RAB43: variants seen among roughly 807,000 people sequenced by gnomAD.
RAB43 encodes the protein RAB43, member RAS oncogene family, also known as ras-related protein Rab-43.
Under a neutral mutation model 18.8 loss-of-function variants are expected in RAB43, and 6 were observed. The ratio of observed to expected loss-of-function variants is 0.32; its 90% confidence interval spans 0.17 to 0.63. The LOEUF (loss-of-function observed/expected upper bound fraction) is 0.63, where lower values mean the gene tolerates loss of function less well. Ranked by LOEUF, RAB43 falls within the 30% of genes least tolerant of loss-of-function variation. RAB43 has a pLI of 0.79. For synonymous variants in RAB43, 103 were observed against 124.1 expected (o/e 0.83, Z 1.13); for missense variants, 195 against 289.1 (o/e 0.67, Z 2.36).
intron 2 of RAB43, chr3:129,092,587 T>C: frequency 1.5e-6 from 1 of 674,210 alleles, no homozygotes. Context: ...ATAGCAGGAC[T>C]GCATCTCTAA....
At chr3:129,109,412 A>C (rs1030503046) in intron 1 of RAB43, among the ~76,000 whole-genome samples, 4 of 150,842 alleles carry the variant, frequency 2.7e-5, no homozygotes, top group African/African-American at 7.3e-5. Flanking sequence ...TCCGTCTCAA[A>C]AAAAAAAAAA....
intron 2 of RAB43, chr3:129,092,400 A>C: frequency 1.6e-6 from 1 of 613,826 alleles, no homozygotes; most frequent in Non-Finnish European, 2.9e-6. Flanking sequence ...CATGGTACAG[A>C]TGAGAGGAGG....
At chr3:129,109,207 G>A (rs1212119483) in intron 1 of RAB43, among the ~76,000 whole-genome samples, 4 of 151,886 alleles carry the variant, frequency 2.6e-5, no homozygotes, top group African/African-American at 7.3e-5. Context: ...TCAGGAGATC[G>A]AGACCATCCT....
intron 1 of RAB43, among the ~76,000 whole-genome samples, chr3:129,104,723 C>G (rs978620243): frequency 8.5e-5 from 13 of 152,228 alleles, no homozygotes; most frequent in African/African-American, 2.7e-4. Flanking sequence ...GATAAGGCTT[C>G]TTTCCTCTTC....
intron 1 of RAB43, among the ~76,000 whole-genome samples, chr3:129,103,362 G>A (rs1559998937): frequency 6.6e-6 from 1 of 152,194 alleles, no homozygotes; most frequent in South Asian, 2.1e-4. Context: ...ACAGAACAAT[G>A]CAGCTTCTGA....
chr3:129,121,497 A>G lies in RAB43; in HGVS notation c.-8T>C, dbSNP rs1037542373. On this transcript the variant is annotated 5_prime_UTR_variant, in exon 1 of 3. Transcript: ENST00000315150. The stretch of plus-strand genomic sequence containing the variant: ...TGGGCCCGGCCCTGCCATGGCCTAG[A>G]AGAAGCCGAAGGGCCGGCGCTCTGG... 5 of 1,601,114 alleles carry G rather than the reference A, an allele frequency of 3.1e-6. No homozygotes were observed. The highest frequency in any genetic ancestry group is 2.3e-5 in the East Asian group (1 of 44,396).
intron 1 of RAB43, among the ~76,000 whole-genome samples, chr3:129,097,829 A>G (rs1048620918): frequency 8.5e-5 from 13 of 152,276 alleles, no homozygotes; most frequent in African/African-American, 2.9e-4. Context: ...TGTAGATAAC[A>G]AGCGGCCTGA....
rs1270863445 is a variant in RAB43, at chr3:129,107,512, G to A, written c.205-12343C>T. On this transcript the variant is annotated intron_variant, in intron 1 of 2. Transcript: ENST00000315150. The surrounding 1 kb of genome is among the most constrained non-coding windows in gnomAD (Gnocchi z 4.2). ...CTTGCAGGCTCCTTTCAGCACCAGG[G>A]AAACATTTGGGGTAATGAGGAAACC... is the stretch of plus-strand genomic sequence containing the variant. Among the ~76,000 whole-genome samples the A allele has an allele frequency of 1.3e-5, 2 of 152,112 alleles. No individual in the cohort carries two copies. Among genetic ancestry groups the A allele is most frequent in the East Asian group, 3.9e-4 (2 of 5,180 alleles).
At position 129,107,412 on chromosome 3, in the gene RAB43, T is replaced by C. The variant is rs1306788537; in HGVS notation, c.205-12243A>G. On this transcript the variant is annotated intron_variant, in intron 1 of 2. Transcript: ENST00000315150. This position sits in a 1 kb window ranked among gnomAD's most constrained non-coding sequence, Gnocchi z 4.2. ...CATCTGCTTGCCAAGTGCCACCTCTTCCGGGTATTCCTCTTCCTCGCAGGA... is the reference window on the plus strand; with the variant it reads ...CATCTGCTTGCCAAGTGCCACCTCTCCCGGGTATTCCTCTTCCTCGCAGGA... 1.3e-5 allele frequency among the ~76,000 whole-genome samples: 2 copies of C among 152,080 alleles called. No individual in the cohort carries two copies. The highest frequency in any genetic ancestry group is 1.5e-5 in the Non-Finnish European group (1 of 67,988).
Position 129,121,723 on chromosome 3 carries a change from G to T in RAB43, c.-234C>A. 1 of 271,964 alleles carries T rather than the reference G, an allele frequency of 3.7e-6. No homozygotes were observed. The highest frequency in any genetic ancestry group is 6.5e-6 in the Non-Finnish European group (1 of 154,134). The allele number at this position is 271,964 out of a possible 1,614,324, so 16.8% of individuals were successfully genotyped here. A position where few individuals can be genotyped will look rare whatever the true frequency, so the allele number is the denominator to read the frequency against. ...GCCCCGCCCGGACCCGGTGCCCCGCGGGTTCGGCTCCCCCCCGGACCCGCC... is the reference window on the plus strand; with the variant it reads ...GCCCCGCCCGGACCCGGTGCCCCGCTGGTTCGGCTCCCCCCCGGACCCGCC... On this transcript the variant is annotated 5_prime_UTR_variant, in exon 1 of 3. Coordinates refer to ENST00000315150, the MANE Select transcript of RAB43 (RefSeq NM_198490.3).
At chr3:129,091,463 C>T in intron 2 of RAB43, 117 bp from the exon 3 acceptor site, 1 of 1,301,670 alleles carries the variant, frequency 7.7e-7, no homozygotes, top group South Asian at 1.5e-5. Context: ...AAATGGACAC[C>T]CCTGGCATGG....
chr3:129,088,054 CG>C lies in RAB43; in HGVS notation c.*3041del, dbSNP rs1933454309. The C allele has an allele frequency of 6.6e-6, 1 of 152,172 alleles. No homozygotes were observed. Among genetic ancestry groups the C allele is most frequent in the Non-Finnish European group, 1.5e-5 (1 of 68,008 alleles). 9.4% of individuals were successfully genotyped at this position (152,172 alleles called of 1,614,324 possible). A position where few individuals can be genotyped will look rare whatever the true frequency, so the allele number is the denominator to read the frequency against. On this transcript the variant is annotated 3_prime_UTR_variant, in exon 3 of 3. Transcript: ENST00000315150. The stretch of plus-strand genomic sequence containing the variant: ...ACTGTTCTCCTTCCGCCCCAGAGCC[CG>C]GGCTGCCGGGAGAGCTTAGCCTGCC...
rs117952498 is a variant in RAB43 at position 129,116,510 on chromosome 3, T to A, written c.204+4776A>T. Among the ~76,000 whole-genome samples, 4 of 152,340 alleles carry A rather than the reference T, an allele frequency of 2.6e-5. No homozygotes were observed. In the East Asian group the frequency reaches 5.8e-4, roughly 22 times the overall value. On this transcript the variant is annotated intron_variant, in intron 1 of 2. Coordinates refer to ENST00000315150, the MANE Select transcript of RAB43 (RefSeq NM_198490.3). ...GAACAGATGAGCAGAACTAGACTCT[T>A]GATTGGAAGGACTGTGAATGCAAAC... is the stretch of plus-strand genomic sequence containing the variant.
In RAB43 at chr3:129,109,871, C is replaced by CT. The variant is rs202101532; in HGVS notation, c.204+11414dup. On this transcript the variant is annotated intron_variant, in intron 1 of 2. Transcript: ENST00000315150. Reference sequence around the variant, plus strand: ...AAAGTGTGCTTGGTTTTGTCTTTTCCTTTTTTTTTGTGAGACAGGCTCTCA... The same window carrying CT: ...AAAGTGTGCTTGGTTTTGTCTTTTCCTTTTTTTTTTGTGAGACAGGCTCTCA... 7.2e-3 allele frequency among the ~76,000 whole-genome samples: 1,083 copies of CT among 149,716 alleles called. 8 individuals carry two copies. Among genetic ancestry groups the CT allele is most frequent in the African/African-American group, 0.02 (813 of 40,764 alleles).
At chr3:129,101,407 A>G (rs1934405746) in intron 1 of RAB43, among the ~76,000 whole-genome samples, 1 of 152,206 alleles carries the variant, frequency 6.6e-6, no homozygotes, top group African/African-American at 2.4e-5. Flanking sequence ...GGGATATAGC[A>G]GGGAACGGAG....
intron 1 of RAB43, among the ~76,000 whole-genome samples, chr3:129,100,479 A>T (rs1934347892): frequency 6.6e-6 from 1 of 152,200 alleles, no homozygotes; most frequent in Non-Finnish European, 1.5e-5. Flanking sequence ...ATATCCTAAG[A>T]CCTTCTGCTA....
chr3:129,103,811 C>T (rs1352841992), intron 1 of RAB43, among the ~76,000 whole-genome samples: 2 of 152,134 alleles, frequency 1.3e-5, no homozygotes, highest in Admixed American at 6.5e-5. Flanking sequence ...GTGATCTGCC[C>T]GCTTTGGCCT....
At chr3:129,099,681 C>T (rs1559997251) in intron 1 of RAB43, among the ~76,000 whole-genome samples, 2 of 152,094 alleles carry the variant, frequency 1.3e-5, no homozygotes, top group Non-Finnish European at 2.9e-5. Flanking sequence ...CCACTGCGCC[C>T]AGCCTAAACT....
In RAB43 at chr3:129,107,354, A is replaced by G. The variant is rs1934850574; in HGVS notation, c.205-12185T>C. ...ATGAGAAAAAGGTGCACTGTGGGAAACGACCCTGGCCTCTGGCCAACAAGT... is the reference window on the plus strand; with the variant it reads ...ATGAGAAAAAGGTGCACTGTGGGAAGCGACCCTGGCCTCTGGCCAACAAGT... On this transcript the variant is annotated intron_variant, in intron 1 of 2. Transcript: ENST00000315150. This position sits in a 1 kb window ranked among gnomAD's most constrained non-coding sequence, Gnocchi z 4.2. Among the ~76,000 whole-genome samples the G allele has an allele frequency of 6.6e-6, 1 of 152,076 alleles. No individual in the cohort carries two copies. Among genetic ancestry groups the G allele is most frequent in the African/African-American group, 2.4e-5 (1 of 41,422 alleles).
Sources: allele counts gnomAD v4.1 joint callset (sites outside exome capture counted in the v4.1 genomes callset), GRCh38; gene constraint gnomAD v4.1.1; non-coding constraint Gnocchi (gnomAD v3.1); transcripts MANE v1.5; gene names NCBI Gene and HGNC (gene_info 2026-07-23, HGNC 2026-07-21).